The following BUB1B variants were observed in gnomAD, a reference collection of about 807,000 sequenced individuals.
BUB1B encodes BUB1 mitotic checkpoint serine/threonine kinase B, also known as mitotic checkpoint serine/threonine-protein kinase BUB1 beta.
Under a neutral mutation model 137.7 loss-of-function variants are expected in BUB1B, and 86 were observed. That is an observed-to-expected ratio of 0.62 (90% confidence interval 0.52 to 0.75). The LOEUF is 0.75. Among genes scored for constraint, BUB1B ranks in the 30% least tolerant of loss-of-function variants. BUB1B has a pLI of 0.00. For missense variants in BUB1B, 1,130 were observed against 1,236.9 expected, an observed-to-expected ratio of 0.91 and a Z score of 1.30; for synonymous variants, 420 against 417.9, an observed-to-expected ratio of 1.00 and a Z score of -0.06.
rs2037685683 is a variant in BUB1B, at chr15:40,209,706, G to C, written c.2215G>C (p.Ala739Pro). ...ACTGAAGTCCCTACCAGAGTTAAGT[G>C]CCTCTGCAGAGTTGTGTATAGAAGA... The part of the protein sequence containing the change: ...QLLKSLPELS[A>P]SAELCIEDRP... The change falls in exon 17 of 23, where the codon GCC becomes CCC. Residue 739 changes from alanine (A) to proline (P), a missense_variant. Coordinates refer to ENST00000287598, the MANE Select transcript of BUB1B (RefSeq NM_001211.6). 3 of 1,613,892 alleles carry C rather than the reference G, an allele frequency of 1.9e-6. No individual in the cohort carries two copies. The highest frequency in any genetic ancestry group is 2.5e-6 in the Non-Finnish European group (3 of 1,179,952).
At chr15:40,174,840 T>G (rs2037206722) in intron 4 of BUB1B, among the ~76,000 whole-genome samples, 1 of 152,104 alleles carries the variant, frequency 6.6e-6, no homozygotes, top group Non-Finnish European at 1.5e-5. Context: ...GGCGGGCGCC[T>G]ATAGTCCCAG....
At chr15:40,173,727 A>G (rs973920417) in intron 4 of BUB1B, among the ~76,000 whole-genome samples, 5 of 152,230 alleles carry the variant, frequency 3.3e-5, no homozygotes, top group African/African-American at 1.2e-4. Flanking sequence ...GGGTATAGAC[A>G]ACCATCAAAT....
chr15:40,184,310 G>T (rs547940928), intron 6 of BUB1B, among the ~76,000 whole-genome samples: 57 of 148,316 alleles, frequency 3.8e-4, no homozygotes, highest in South Asian at 1.0e-3. Context: ...AATTAACATG[G>T]ACTTTTTTTT....
Position 40,185,312 on chromosome 15 carries a change from T to C in BUB1B, c.899T>C (p.Met300Thr). ...GTCCAGCCATGGATAGCACCCCCCATGCCCAGGGCCAAAGAGAATGAGCTG... is the reference window on the plus strand; with the variant it reads ...GTCCAGCCATGGATAGCACCCCCCACGCCCAGGGCCAAAGAGAATGAGCTG... ...PTVQPWIAPP[M>T]PRAKENELQA... is the part of the protein sequence containing the mutation. The change falls in exon 7 of 23, where the codon ATG (methionine) becomes ACG (threonine). Residue 300 changes from methionine to threonine, a missense_variant. Coordinates refer to ENST00000287598, the MANE Select transcript of BUB1B (RefSeq NM_001211.6). 2.5e-6 allele frequency: 4 copies of C among 1,614,136 alleles called. No individual in the cohort carries two copies. Among genetic ancestry groups the C allele is most frequent in the Non-Finnish European group, 3.4e-6 (4 of 1,180,036 alleles).
intron 2 of BUB1B, among the ~76,000 whole-genome samples, chr15:40,167,263 G>A (rs1243201027): frequency 1.5e-5 from 2 of 137,030 alleles, no homozygotes; most frequent in Non-Finnish European, 3.1e-5. Flanking sequence ...CATTTTTTGT[G>A]TCCTCTTCAG....
At position 40,217,609 on chromosome 15, in the gene BUB1B, G is replaced by A. The variant is rs751509832; in HGVS notation, c.2792G>A (p.Arg931Gln). ...QLDVFTLSGF[R>Q]TVQILEGQKI... ...GATGTTTTTACCCTCAGCGGCTTTC[G>A]GACTGTACAGATCCTGGAAGGACAA... is the stretch of plus-strand genomic sequence containing the variant. The change falls in exon 21 of 23, where the codon CGG (arginine) becomes CAG (glutamine). Residue 931 changes from arginine (R) to glutamine (Q), a missense_variant. By Grantham distance (43) the Arg-to-Gln change is conservative. Transcript: ENST00000287598. 1.4e-5 allele frequency: 23 copies of A among 1,613,944 alleles called. No homozygotes were observed. Among genetic ancestry groups the A allele is most frequent in the African/African-American group, 2.7e-5 (2 of 74,870 alleles).
At chr15:40,167,972 T>A (rs1481792076) in intron 2 of BUB1B, among the ~76,000 whole-genome samples, 2 of 152,194 alleles carry the variant, frequency 1.3e-5, no homozygotes, top group East Asian at 3.8e-4. Context: ...ACAGCTTTTG[T>A]TCTTTTCAAA....
intron 8 of BUB1B, among the ~76,000 whole-genome samples, chr15:40,187,374 CCT>C (rs2037380726): frequency 1.3e-5 from 2 of 152,194 alleles, no homozygotes; most frequent in African/African-American, 4.8e-5. Flanking sequence ...GATCCGCCCA[CCT>C]CAGCCTCCCA....
chr15:40,176,926 C>T (rs185355191), intron 5 of BUB1B, among the ~76,000 whole-genome samples: 1 of 152,054 alleles, frequency 6.6e-6, no homozygotes, highest in South Asian at 2.1e-4. Flanking sequence ...TTCACACCCC[C>T]CAAAAGAATT....
intron 9 of BUB1B, 116 bp from the exon 10 acceptor site, chr15:40,199,499 A>C: frequency 1.3e-6 from 1 of 775,044 alleles, no homozygotes. Context: ...ATTCCACTTA[A>C]ATCATTTTCA....
chr15:40,216,573 T>A lies in BUB1B; in HGVS notation c.2679-923T>A, dbSNP rs1437178853. Among the ~76,000 whole-genome samples the A allele has an allele frequency of 8.6e-3, 943 of 110,086 alleles. 6 individuals carry two copies. Among genetic ancestry groups the A allele is most frequent in the African/African-American group, 0.047 (824 of 17,420 alleles). The allele number at this position is 110,086 out of a possible 152,430, so 72.2% of individuals were successfully genotyped here. A position where few individuals can be genotyped will look rare whatever the true frequency, so the allele number is the denominator to read the frequency against. ...TATATATATATATATATATATATAT[T>A]TTTTTTTTTTTTTAATTATAGTATA... is the stretch of plus-strand genomic sequence containing the variant. On this transcript the variant is annotated intron_variant, in intron 20 of 22. Transcript: ENST00000287598.
In BUB1B at chr15:40,209,654, A is replaced by G. The variant is rs746054575; in HGVS notation, c.2163A>G (p.Pro721=). The G allele has an allele frequency of 1.2e-5, 19 of 1,613,978 alleles. No homozygotes were observed. In the East Asian group the frequency reaches 2.2e-4, roughly 19 times the overall value. ...TGGCAGAAAACCCTACTCAGTCACC[A>G]TGGTGTTCACAGTATCGCAGACAGC... ...NETSENPTQS[P]WCSQYRRQLL... is the part of the protein sequence containing the mutation. Residue 721 remains proline (P), a synonymous_variant, in exon 17 of 23, where the codon CCA becomes CCG. Coordinates refer to ENST00000287598, the MANE Select transcript of BUB1B (RefSeq NM_001211.6).
chr15:40,201,109 A>G (rs1349343835), intron 12 of BUB1B, 129 bp downstream of exon 12: 1 of 812,574 alleles, frequency 1.2e-6, no homozygotes, highest in Non-Finnish European at 2.0e-6. Context: ...GGAATTTAGT[A>G]TAAGCATATG....
In BUB1B at chr15:40,210,181, A is replaced by G. The variant is rs1263053435; in HGVS notation, c.2356A>G (p.Arg786Gly). Residue 786 changes from arginine (R) to glycine (G), a missense_variant, in exon 18 of 23, where the codon AGA becomes GGA. Transcript: ENST00000287598. Reference sequence around the variant, plus strand: ...TTACAAGTTATTCTGGGTGGCGCCAAGAAACTCTGCAGAATTAACAGTAAT... The same window carrying G: ...TTACAAGTTATTCTGGGTGGCGCCAGGAAACTCTGCAGAATTAACAGTAAT... ...EDYKLFWVAP[R>G]NSAELTVIKV... The G allele has an allele frequency of 6.2e-7, 1 of 1,610,520 alleles. No individual in the cohort carries two copies.
chr15:40,202,756 A>C (rs1396699398), intron 14 of BUB1B, 62 bp downstream of exon 14: 1 of 1,394,294 alleles, frequency 7.2e-7, no homozygotes, highest in African/African-American at 1.4e-5. Context: ...TCAAAACCAC[A>C]AAAGCTTAAG....
chr15:40,182,808 C>T (rs1353881832), intron 5 of BUB1B, among the ~76,000 whole-genome samples: 1 of 152,160 alleles, frequency 6.6e-6, no homozygotes, highest in Non-Finnish European at 1.5e-5. Flanking sequence ...TTTACATTCA[C>T]ATACCACCAC....
chr15:40,161,383 C>T, intron 1 of BUB1B, 128 bp downstream of exon 1: 1 of 1,125,726 alleles, frequency 8.9e-7, no homozygotes, highest in Admixed American at 3.4e-5. Flanking sequence ...CCGGAGCCTC[C>T]TTCCTTTTGG....
At chr15:40,170,765 A>G in intron 4 of BUB1B, 84 bp downstream of exon 4, 2 of 1,381,970 alleles carry the variant, frequency 1.4e-6, no homozygotes, top group East Asian at 2.3e-5. Context: ...CCAAAAAAAA[A>G]GTAAAACAGC....
At chr15:40,189,541 C>T (rs115820481) in intron 8 of BUB1B, among the ~76,000 whole-genome samples, 3,602 of 152,296 alleles carry the variant, frequency 0.024, 147 homozygotes, top group African/African-American at 0.082. Flanking sequence ...TGTATCAGTA[C>T]TTCATTATTT....
Sources: allele counts gnomAD v4.1 joint callset (sites outside exome capture counted in the v4.1 genomes callset), GRCh38; gene constraint gnomAD v4.1.1; transcripts MANE v1.5; gene names NCBI Gene and HGNC (gene_info 2026-07-23, HGNC 2026-07-21).